Variants in ERGIC1 observed in about 807,000 individuals in gnomAD.
ERGIC1 encodes endoplasmic reticulum-golgi intermediate compartment 1.
ERGIC1 carries 19 observed loss-of-function variants against 38.3 expected under a neutral mutation model. The ratio of observed to expected loss-of-function variants is 0.50; its 90% confidence interval spans 0.35 to 0.73. The LOEUF (loss-of-function observed/expected upper bound fraction) is 0.73, where lower values mean the gene tolerates loss of function less well. ERGIC1 is among the 30% of genes least tolerant of loss of function. The pLI, the probability that ERGIC1 is intolerant of heterozygous loss-of-function variation, is 0.01. For missense variants in ERGIC1, 294 were observed against 389.2 expected (o/e 0.76, Z 2.06); for synonymous variants, 124 against 157.6 (o/e 0.79, Z 1.60).
intron 1 of ERGIC1, among the ~76,000 whole-genome samples, chr5:172,850,875 G>C (rs1761386320): frequency 6.6e-6 from 1 of 152,106 alleles, no homozygotes. Flanking sequence ...TTTTATGTCA[G>C]CATTTTTGAA....
At chr5:172,872,556 C>T (rs763281083) in intron 1 of ERGIC1, among the ~76,000 whole-genome samples, 13 of 152,098 alleles carry the variant, frequency 8.5e-5, no homozygotes, top group South Asian at 2.1e-4. Context: ...AGCTCACACC[C>T]GTAATCCCAG....
intron 3 of ERGIC1, among the ~76,000 whole-genome samples, chr5:172,904,384 C>T (rs1202842251): frequency 6.6e-6 from 1 of 152,190 alleles, no homozygotes; most frequent in African/African-American, 2.4e-5. Flanking sequence ...GATTTTCGAA[C>T]CGATTGAAAG....
chr5:172,868,238 G>A (rs1278287519), intron 1 of ERGIC1, among the ~76,000 whole-genome samples: 3 of 152,170 alleles, frequency 2.0e-5, no homozygotes, highest in Admixed American at 2.0e-4. Context: ...TAAAACACTG[G>A]CGGTTCAGAG....
At chr5:172,893,948 T>TAC (rs1762649365) in intron 2 of ERGIC1, among the ~76,000 whole-genome samples, 4 of 121,952 alleles carry the variant, frequency 3.3e-5, no homozygotes, top group African/African-American at 1.3e-4. Flanking sequence ...TATATATATA[T>TAC]ATATATTTAA....
intron 1 of ERGIC1, among the ~76,000 whole-genome samples, chr5:172,878,929 G>T (rs1762215573): frequency 6.6e-6 from 1 of 152,148 alleles, no homozygotes; most frequent in Non-Finnish European, 1.5e-5. Context: ...GGCACCGAGG[G>T]CTCCGACAGG....
At position 172,850,487 on chromosome 5, in the gene ERGIC1, G is replaced by A. The variant is rs189572473; in HGVS notation, c.20+16054G>A. On this transcript the variant is annotated intron_variant, in intron 1 of 9. Transcript: ENST00000393784. ...CCTGGGACAGCTGGGCTGAGGGCTC[G>A]GGGGAGTAGAGGGAGGTGGGCACCG... Among the ~76,000 whole-genome samples the A allele has an allele frequency of 7.2e-5, 11 of 152,282 alleles. No individual in the cohort carries two copies. In the East Asian group the frequency reaches 1.4e-3, roughly 19 times the overall value.
chr5:172,915,001 T>G (rs1561733832), intron 5 of ERGIC1, 163 bp downstream of exon 5: 2 of 1,131,420 alleles, frequency 1.8e-6, no homozygotes, highest in African/African-American at 3.1e-5. Context: ...GCTGAGAATC[T>G]GGATGGGGGT....
At position 172,927,101 on chromosome 5, in the gene ERGIC1, C is replaced by T. The variant is rs561872293; in HGVS notation, c.541+532C>T. ...CACCTTGGCCCAGATCAAAGAGAAC[C>T]GCACATCTCCACACGCAGACAGGAG... is the stretch of plus-strand genomic sequence containing the variant. On this transcript the variant is annotated intron_variant, in intron 7 of 9. Coordinates refer to ENST00000393784, the MANE Select transcript of ERGIC1 (RefSeq NM_001031711.3). 5.6e-5 allele frequency: 9 copies of T among 161,844 alleles called. No individual in the cohort carries two copies. The South Asian group carries it at 8.8e-4, about 16-fold the overall frequency. 10.0% of individuals were successfully genotyped at this position (161,844 alleles called of 1,614,324 possible).
chr5:172,888,575 A>AG (rs1406136119), intron 1 of ERGIC1, 124 bp from the exon 2 acceptor site: 1 of 793,278 alleles, frequency 1.3e-6, no homozygotes, highest in Non-Finnish European at 2.2e-6. Context: ...CTGAAAGAGC[A>AG]GAAAAACTGT....
intron 1 of ERGIC1, among the ~76,000 whole-genome samples, chr5:172,843,834 T>A (rs1368138882): frequency 6.6e-6 from 1 of 152,254 alleles, no homozygotes; most frequent in Non-Finnish European, 1.5e-5. Context: ...ACACTTTGCC[T>A]CTGCAAGCCT....
intron 2 of ERGIC1, among the ~76,000 whole-genome samples, chr5:172,890,624 C>T (rs6896800): frequency 5.0e-4 from 76 of 152,342 alleles, no homozygotes; most frequent in African/African-American, 1.8e-3. Flanking sequence ...GGGATGCTTT[C>T]GCCTCATTTT....
chr5:172,857,237 G>A (rs1417749533), intron 1 of ERGIC1, among the ~76,000 whole-genome samples: 1 of 152,180 alleles, frequency 6.6e-6, no homozygotes, highest in Non-Finnish European at 1.5e-5. Context: ...GGGCTGTTGT[G>A]AGGATGAAAT....
Position 172,856,249 on chromosome 5 carries a change from C to T in ERGIC1, c.20+21816C>T, listed in dbSNP as rs558040873. ...TGGAGAAGCTGTGACCAGCCTGGAA[C>T]GCCAGGCCCAGGCAGGTGGACTTGA... On this transcript the variant is annotated intron_variant, in intron 1 of 9. Coordinates refer to ENST00000393784, the MANE Select transcript of ERGIC1 (RefSeq NM_001031711.3). Among the ~76,000 whole-genome samples, 14 of 152,214 alleles carry T rather than the reference C, an allele frequency of 9.2e-5. No homozygotes were observed. The East Asian group carries it at 2.1e-3, about 23-fold the overall frequency.
intron 1 of ERGIC1, among the ~76,000 whole-genome samples, chr5:172,848,317 G>A (rs1490010279): frequency 6.6e-6 from 1 of 152,140 alleles, no homozygotes; most frequent in Non-Finnish European, 1.5e-5. Context: ...TTGCACAAGT[G>A]GTTATTTTCC....
chr5:172,891,801 ACT>A (rs1268016682), intron 2 of ERGIC1, among the ~76,000 whole-genome samples: 1 of 152,170 alleles, frequency 6.6e-6, no homozygotes, highest in Non-Finnish European at 1.5e-5. Context: ...TACTCTGCAC[ACT>A]GTTCTTCCCC....
intron 2 of ERGIC1, among the ~76,000 whole-genome samples, chr5:172,895,706 A>G (rs902426158): frequency 6.6e-6 from 1 of 152,074 alleles, no homozygotes; most frequent in Non-Finnish European, 1.5e-5. Flanking sequence ...CAAAAGGGAC[A>G]TGTGAGTCGG....
intron 9 of ERGIC1, among the ~76,000 whole-genome samples, chr5:172,947,239 C>T (rs1764143228): frequency 6.6e-6 from 1 of 151,694 alleles, no homozygotes; most frequent in African/African-American, 2.4e-5. Context: ...GGCTGGAGTG[C>T]AGTGGTGCAA....
rs983559998 is a variant in ERGIC1, at chr5:172,935,302, A to G, written c.757A>G (p.Ile253Val). 3 of 1,614,048 alleles carry G rather than the reference A, an allele frequency of 1.9e-6. No individual in the cohort carries two copies. The highest frequency in any genetic ancestry group is 2.5e-6 in the Non-Finnish European group (3 of 1,180,008). Residue 253 changes from isoleucine to valine, a missense_variant, in exon 9 of 10, where the codon ATC (isoleucine) becomes GTC (valine). Physicochemically the swap from Ile to Val is conservative, Grantham distance 29. Around this residue, in one of 3 missense-constraint regions of ERGIC1, gnomAD observed 109 missense variants for 112.7 expected, o/e 0.97. Transcript: ENST00000393784. ...TERRQPLYRF[I>V]TTICAIIGGT... ...GAGACGGCAGCCGCTGTACAGATTC[A>G]TCACCACGGTGAGTGGCCTGGGGCA... is the stretch of plus-strand genomic sequence containing the variant.
At chr5:172,945,669 G>T (rs577239) in intron 9 of ERGIC1, among the ~76,000 whole-genome samples, 8 of 151,986 alleles carry the variant, frequency 5.3e-5, no homozygotes, top group Admixed American at 4.6e-4. Context: ...CAGGGGTTTT[G>T]TCGTTTTATT....
Sources: allele counts gnomAD v4.1 joint callset (sites outside exome capture counted in the v4.1 genomes callset), GRCh38; gene constraint gnomAD v4.1.1; regional missense constraint gnomAD v4.1.1; transcripts MANE v1.5; gene names NCBI Gene and HGNC (gene_info 2026-07-23, HGNC 2026-07-21).